Variants in KCNIP4 observed in about 807,000 individuals in gnomAD.
KCNIP4 encodes potassium voltage-gated channel interacting protein 4.
Under a neutral mutation model 34.0 loss-of-function variants are expected in KCNIP4, and 12 were observed. That is an observed-to-expected ratio of 0.35 (90% confidence interval 0.23 to 0.57). KCNIP4 has a LOEUF of 0.57. KCNIP4 is among the 20% of genes least tolerant of loss of function. The probability of loss-of-function intolerance (pLI) is 0.83; values close to 1 mark genes in which losing one functional copy is unlikely to be tolerated. For synonymous variants in KCNIP4, 124 were observed against 102.2 expected, an observed-to-expected ratio of 1.21 and a Z score of -1.29; for missense variants, 238 against 311.7, an observed-to-expected ratio of 0.76 and a Z score of 1.78.
chr4:20,915,094 T>C (rs1272991760), intron 1 of KCNIP4, among the ~76,000 whole-genome samples: 5 of 152,232 alleles, frequency 3.3e-5, no homozygotes, highest in African/African-American at 4.8e-5. Flanking sequence ...AATGACTGTT[T>C]TACTCATCAG....
chr4:21,643,229 A>C (rs975705270), intron 1 of KCNIP4, among the ~76,000 whole-genome samples: 1 of 152,074 alleles, frequency 6.6e-6, no homozygotes. Flanking sequence ...AGATGTATTG[A>C]CTTTATATTA....
At chr4:21,378,794 T>A (rs1560345882) in intron 1 of KCNIP4, among the ~76,000 whole-genome samples, 2 of 152,162 alleles carry the variant, frequency 1.3e-5, no homozygotes, top group African/African-American at 2.4e-5. Context: ...TATATACTTT[T>A]CTATTTTTGT....
intron 1 of KCNIP4, among the ~76,000 whole-genome samples, chr4:21,261,444 C>G (rs1052130755): frequency 2.6e-5 from 4 of 152,072 alleles, no homozygotes; most frequent in Admixed American, 2.6e-4. Context: ...AGGGAATTCC[C>G]TGTATTAAAA....
At chr4:21,322,309 A>G (rs1038568772) in intron 1 of KCNIP4, among the ~76,000 whole-genome samples, 3 of 152,154 alleles carry the variant, frequency 2.0e-5, no homozygotes, top group Non-Finnish European at 4.4e-5. Context: ...AGGAGATGGT[A>G]TCAACAACCA....
At chr4:20,803,324 A>C (rs1159959358) in intron 3 of KCNIP4, among the ~76,000 whole-genome samples, 1 of 151,508 alleles carries the variant, frequency 6.6e-6, no homozygotes, top group Non-Finnish European at 1.5e-5. Context: ...GAAATAAATA[A>C]AATAGCCACG....
intron 1 of KCNIP4, among the ~76,000 whole-genome samples, chr4:21,927,240 T>G (rs947483345): frequency 6.6e-6 from 1 of 152,186 alleles, no homozygotes; most frequent in Non-Finnish European, 1.5e-5. Context: ...CTGATCACCC[T>G]GGATAATTGT....
intron 1 of KCNIP4, among the ~76,000 whole-genome samples, chr4:21,467,978 A>C (rs1408888511): frequency 6.6e-6 from 1 of 152,204 alleles, no homozygotes; most frequent in African/African-American, 2.4e-5. Flanking sequence ...AGATCCTGCC[A>C]GATGGAAAGC....
At chr4:21,031,507 G>T (rs1056881830) in intron 1 of KCNIP4, among the ~76,000 whole-genome samples, 1 of 152,196 alleles carries the variant, frequency 6.6e-6, no homozygotes, top group Non-Finnish European at 1.5e-5. Flanking sequence ...ACAAACAAGA[G>T]ACTAAATGCT....
intron 1 of KCNIP4, among the ~76,000 whole-genome samples, chr4:21,889,070 C>T (rs1040787367): frequency 3.9e-5 from 6 of 151,960 alleles, no homozygotes; most frequent in East Asian, 1.9e-4. Context: ...AGTATTTATA[C>T]GTGAATGAGT....
intron 1 of KCNIP4, among the ~76,000 whole-genome samples, chr4:20,992,592 C>T (rs1737175377): frequency 6.6e-6 from 1 of 152,106 alleles, no homozygotes; most frequent in African/African-American, 2.4e-5. Flanking sequence ...CTGCCTCTCC[C>T]CCACCCCACA....
intron 1 of KCNIP4, among the ~76,000 whole-genome samples, chr4:21,554,336 C>T (rs1249697364): frequency 2.6e-5 from 4 of 152,080 alleles, no homozygotes. Context: ...CTGTGCTTGT[C>T]ACAAGAGGAT....
At chr4:21,335,905 C>T (rs917558592) in intron 1 of KCNIP4, among the ~76,000 whole-genome samples, 6 of 152,080 alleles carry the variant, frequency 3.9e-5, no homozygotes, top group Non-Finnish European at 5.9e-5. Flanking sequence ...AATTGATTAC[C>T]GATGCTCTGG....
rs71191533 is a variant in KCNIP4, at chr4:21,683,446, A to ATTTTTTTTTTTT, written c.61+265113_61+265124dup. 6.2e-4 allele frequency among the ~76,000 whole-genome samples: 29 copies of ATTTTTTTTTTTT among 46,612 alleles called. 7 individuals are homozygous for ATTTTTTTTTTTT. The highest frequency in any genetic ancestry group is 8.7e-4 in the Non-Finnish European group (21 of 24,002). 30.6% of individuals were successfully genotyped at this position (46,612 alleles called of 152,430 possible). Reference sequence around the variant, plus strand: ...TACGACTAATGATTGGTGAAGCCAGATTTTTTTTTTTTTTTTTTTTTTTTT... The same window carrying ATTTTTTTTTTTT: ...TACGACTAATGATTGGTGAAGCCAGATTTTTTTTTTTTTTTTTTTTTTTTTTTTTTTTTTTTT... On this transcript the variant is annotated intron_variant, in intron 1 of 8. Coordinates refer to ENST00000382152, the MANE Select transcript of KCNIP4 (RefSeq NM_025221.6).
chr4:21,394,806 GGT>G (rs1272882779), intron 1 of KCNIP4, among the ~76,000 whole-genome samples: 1 of 151,854 alleles, frequency 6.6e-6, no homozygotes, highest in African/African-American at 2.4e-5. Flanking sequence ...TTTAATTCAG[GGT>G]GTACATTTTC....
At chr4:21,644,349 G>C (rs1260280726) in intron 1 of KCNIP4, among the ~76,000 whole-genome samples, 1 of 152,144 alleles carries the variant, frequency 6.6e-6, no homozygotes, top group South Asian at 2.1e-4. Context: ...AGCTATAGAA[G>C]AGCCTTATGG....
intron 1 of KCNIP4, among the ~76,000 whole-genome samples, chr4:20,919,407 T>TAAA (rs10653275): frequency 1.5e-3 from 227 of 148,370 alleles, no homozygotes; most frequent in African/African-American, 3.9e-3. Flanking sequence ...TTTTCCACAT[T>TAAA]AAAAAAAAAA....
At chr4:21,461,397 T>A (rs760150941) in intron 1 of KCNIP4, among the ~76,000 whole-genome samples, 3 of 151,644 alleles carry the variant, frequency 2.0e-5, no homozygotes, top group Admixed American at 6.6e-5. Flanking sequence ...AATGGACTAA[T>A]ACAAATATGA....
chr4:21,676,124 C>G (rs951781751), intron 1 of KCNIP4, among the ~76,000 whole-genome samples: 5 of 152,180 alleles, frequency 3.3e-5, no homozygotes, highest in African/African-American at 1.2e-4. Context: ...TGGAGCGTCA[C>G]TGTGTCCCTT....
At chr4:20,977,463 G>A (rs1735601378) in intron 1 of KCNIP4, among the ~76,000 whole-genome samples, 1 of 152,118 alleles carries the variant, frequency 6.6e-6, no homozygotes, top group Non-Finnish European at 1.5e-5. Context: ...AACCACAGGT[G>A]TGTTTCCTGA....
Sources: allele counts gnomAD v4.1 joint callset (sites outside exome capture counted in the v4.1 genomes callset), GRCh38; gene constraint gnomAD v4.1.1; transcripts MANE v1.5; gene names NCBI Gene and HGNC (gene_info 2026-07-23, HGNC 2026-07-21).